Variants in FANK1 observed in about 807,000 individuals in gnomAD.
FANK1 encodes fibronectin type III and ankyrin repeat domains 1.
A neutral mutation model predicts 45.3 loss-of-function variants in FANK1; 44 were observed. The observed-to-expected ratio is 0.97, with a 90% CI of 0.76 to 1.25. The LOEUF (loss-of-function observed/expected upper bound fraction) is 1.25, where lower values mean the gene tolerates loss of function less well. Among genes scored for constraint, FANK1 ranks in the 50% most tolerant of loss-of-function variants. The pLI is 0.00. For missense variants in FANK1, 391 were observed against 424.4 expected (o/e 0.92, Z 0.69); for synonymous variants, 149 against 152.5 (o/e 0.98, Z 0.17).
chr10:125,977,750 C>T (rs1159160953), intron 1 of FANK1, among the ~76,000 whole-genome samples: 15 of 152,148 alleles, frequency 9.9e-5, no homozygotes, highest in Non-Finnish European at 2.2e-4. Context: ...CCAGGGGTTC[C>T]CTGTCTGGTG....
At chr10:125,944,338 A>G (rs547206051) in intron 1 of FANK1, among the ~76,000 whole-genome samples, 1 of 152,280 alleles carries the variant, frequency 6.6e-6, no homozygotes, top group Non-Finnish European at 1.5e-5. Context: ...TTGTCCTTCT[A>G]CCTTTATAGT....
At chr10:125,914,655 G>A (rs1442835671) in intron 1 of FANK1, among the ~76,000 whole-genome samples, 1 of 152,130 alleles carries the variant, frequency 6.6e-6, no homozygotes. Context: ...GGCCACCAAG[G>A]ACACTTTTAA....
chr10:125,908,071 A>C (rs1448132871), intron 1 of FANK1, among the ~76,000 whole-genome samples: 2 of 143,516 alleles, frequency 1.4e-5, no homozygotes, highest in Non-Finnish European at 3.0e-5. Context: ...CTCTCGGCTC[A>C]CTACAACCTC....
chr10:125,945,995 C>T (rs552186731), intron 1 of FANK1, among the ~76,000 whole-genome samples: 4 of 152,312 alleles, frequency 2.6e-5, no homozygotes, highest in African/African-American at 7.2e-5. Flanking sequence ...GCAGCAGGGG[C>T]ACACTGACAC....
At position 125,983,078 on chromosome 10, in the gene FANK1, C is replaced by CT. The variant is rs1345979871; in HGVS notation, c.191+2742dup. On this transcript the variant is annotated intron_variant, in intron 2 of 10. Coordinates refer to ENST00000368693, the MANE Select transcript of FANK1 (RefSeq NM_145235.5). The surrounding 1 kb of genome is among the most constrained non-coding windows in gnomAD (Gnocchi z 4.3). ...TCACAGTTTCCCTACACCTGCCTTT[C>CT]TTGTTGCCTCTTATTTCTCAGCACA... Among the ~76,000 whole-genome samples the CT allele has an allele frequency of 6.6e-6, 1 of 152,178 alleles. No homozygotes were observed. Among genetic ancestry groups the CT allele is most frequent in the Admixed American group, 6.5e-5 (1 of 15,280 alleles).
At chr10:125,900,936 C>CTATAATAGA (rs1352051927) in intron 1 of FANK1, among the ~76,000 whole-genome samples, 5 of 152,120 alleles carry the variant, frequency 3.3e-5, no homozygotes, top group Non-Finnish European at 4.4e-5. Context: ...AGGCGTGTGC[C>CTATAATAGA]ACTGTGCCCA....
chr10:125,989,057 T>C (rs1249030793), intron 3 of FANK1, among the ~76,000 whole-genome samples: 2 of 152,104 alleles, frequency 1.3e-5, no homozygotes, highest in African/African-American at 2.4e-5. Flanking sequence ...CAGTGTCATA[T>C]CCATTTTAGA....
intron 1 of FANK1, among the ~76,000 whole-genome samples, chr10:125,923,180 C>T (rs1947066971): frequency 6.6e-6 from 1 of 151,438 alleles, no homozygotes. Flanking sequence ...CATATCTCAC[C>T]AAGTATGGTG....
chr10:126,009,118 G>C lies in FANK1; in HGVS notation c.914G>C (p.Ser305Thr). Residue 305 changes from serine (S) to threonine (T), a missense_variant, in exon 9 of 11, where the codon AGT (serine) becomes ACT (threonine). Ser to Thr is a moderately conservative substitution (Grantham distance 58). Transcript: ENST00000368693. ...QLLLDKGADA[S>T]VKNEFGKGVL... ...CTTCTTGACAAAGGGGCAGATGCAAGTGTAAAAAATGAGGTAAATGAGTCC... is the reference window on the plus strand; with the variant it reads ...CTTCTTGACAAAGGGGCAGATGCAACTGTAAAAAATGAGGTAAATGAGTCC... 6.2e-7 allele frequency: 1 copy of C among 1,614,258 alleles called. No homozygotes were observed. The highest frequency in any genetic ancestry group is 1.1e-5 in the South Asian group (1 of 91,086).
chr10:125,925,619 G>C (rs1202886523), intron 1 of FANK1, among the ~76,000 whole-genome samples: 1 of 152,160 alleles, frequency 6.6e-6, no homozygotes, highest in Non-Finnish European at 1.5e-5. Context: ...CTGGTCTTGA[G>C]CTCTTGGTCT....
intron 1 of FANK1, among the ~76,000 whole-genome samples, chr10:125,939,116 C>G (rs755645638): frequency 6.6e-6 from 1 of 152,076 alleles, no homozygotes; most frequent in Non-Finnish European, 1.5e-5. Flanking sequence ...TACAATCAGA[C>G]AAATTGTAGC....
intron 10 of FANK1, 33 bp downstream of exon 10, chr10:126,009,299 T>G: frequency 1.2e-6 from 2 of 1,614,188 alleles, no homozygotes; most frequent in South Asian, 2.2e-5. Flanking sequence ...TCAAGGCTAA[T>G]TTTTAGTCCT....
chr10:125,925,382 A>C (rs1237900325), intron 1 of FANK1, among the ~76,000 whole-genome samples: 2 of 152,136 alleles, frequency 1.3e-5, no homozygotes, highest in African/African-American at 2.4e-5. Flanking sequence ...CTTTGGTTAG[A>C]CTTTGCACTG....
At position 125,933,383 on chromosome 10, in the gene FANK1, A is replaced by T. The variant is rs144081091; in HGVS notation, c.13+36728A>T. Among the ~76,000 whole-genome samples, 58 of 151,808 alleles carry T rather than the reference A, an allele frequency of 3.8e-4. No individual in the cohort carries two copies. The East Asian group carries it at 8.1e-3, about 21-fold the overall frequency. ...TAGGAGGGTTGTATTTTTTCCAGGG[A>T]TTTATCCGTCTTTTCTAGGTTTTCT... On this transcript the variant is annotated intron_variant, in intron 1 of 10. Transcript: ENST00000368693.
At position 125,940,528 on chromosome 10, in the gene FANK1, A is replaced by G. The variant is rs1298512520; in HGVS notation, c.14-39633A>G. On this transcript the variant is annotated intron_variant, in intron 1 of 10. Transcript: ENST00000368693. ...CGGTTTTCTCCTATCTCAGAATAGA[A>G]CAAATGTACGATCGGATTTTATACC... Among the ~76,000 whole-genome samples the G allele has an allele frequency of 2.6e-5, 4 of 152,206 alleles. No homozygotes were observed. The South Asian group carries it at 8.3e-4, about 32-fold the overall frequency.
chr10:125,969,147 A>C (rs1328931329), intron 1 of FANK1, among the ~76,000 whole-genome samples: 1 of 152,150 alleles, frequency 6.6e-6, no homozygotes, highest in Admixed American at 6.5e-5. Context: ...AATATTTGTC[A>C]TGATGAAAAG....
intron 1 of FANK1, among the ~76,000 whole-genome samples, chr10:125,961,312 T>C (rs1477495741): frequency 6.6e-6 from 1 of 151,994 alleles, no homozygotes; most frequent in Non-Finnish European, 1.5e-5. Context: ...TCTCACTATA[T>C]TGTGTAGGCT....
chr10:125,950,898 G>T (rs1378335450), intron 1 of FANK1, among the ~76,000 whole-genome samples: 1 of 150,612 alleles, frequency 6.6e-6, no homozygotes. Context: ...ATACACCATG[G>T]AATACTATGC....
chr10:125,989,283 C>G (rs1951770855), intron 3 of FANK1: 1 of 1,549,892 alleles, frequency 6.5e-7, no homozygotes, highest in Non-Finnish European at 8.7e-7. Flanking sequence ...TGTCCAGGGC[C>G]ATCTCTGAGC....
Sources: gnomAD v4.1 joint callset for allele counts (sites outside exome capture counted in the v4.1 genomes callset) on GRCh38, gnomAD v4.1.1 for gene constraint, Gnocchi (gnomAD v3.1) non-coding constraint, MANE v1.5 for transcripts, NCBI Gene and HGNC (gene_info 2026-07-23, HGNC 2026-07-21) for gene names.